SCAPER: variants seen among roughly 807,000 people sequenced by gnomAD.
The protein encoded by SCAPER is S-phase cyclin A associated protein in the ER.
SCAPER carries 98 observed loss-of-function variants against 182.2 expected under a neutral mutation model. That is an observed-to-expected ratio of 0.54 (90% CI 0.46 to 0.64). The LOEUF (loss-of-function observed/expected upper bound fraction) is 0.64. SCAPER is among the 30% of genes least tolerant of loss of function. SCAPER has a pLI of 0.00. For synonymous variants in SCAPER, 605 were observed against 564.6 expected, an observed-to-expected ratio of 1.07 and a Z score of -1.01; for missense variants, 1,432 against 1,690.0, an observed-to-expected ratio of 0.85 and a Z score of 2.68.
At chr15:76,891,201 A>G (rs529757325) in intron 1 of SCAPER, among the ~76,000 whole-genome samples, 159 of 152,212 alleles carry the variant, frequency 1.0e-3, no homozygotes, top group Non-Finnish European at 2.1e-3. Context: ...TGACAAACCC[A>G]TAGCCAAGAT....
chr15:76,617,704 T>C (rs562571843), intron 22 of SCAPER, among the ~76,000 whole-genome samples: 133 of 152,234 alleles, frequency 8.7e-4, no homozygotes, highest in Non-Finnish European at 1.4e-3. Context: ...ACAGAAACCA[T>C]AGACCCGTGA....
At chr15:76,618,161 G>A (rs1208520998) in intron 22 of SCAPER, among the ~76,000 whole-genome samples, 2 of 152,154 alleles carry the variant, frequency 1.3e-5, no homozygotes, top group Non-Finnish European at 2.9e-5. Context: ...TAGGGAGGCT[G>A]AGGCACGAGA....
chr15:76,888,853 G>A (rs987198244), intron 1 of SCAPER, among the ~76,000 whole-genome samples: 1 of 152,062 alleles, frequency 6.6e-6, no homozygotes, highest in South Asian at 2.1e-4. Context: ...CTCGAGAAGA[G>A]GAACCCCAAG....
chr15:76,679,497 AAAAT>A lies in SCAPER; in HGVS notation c.2509-13712_2509-13709del, dbSNP rs2057564003. Among the ~76,000 whole-genome samples the A allele has an allele frequency of 2.0e-5, 3 of 152,352 alleles. No individual in the cohort carries two copies. In the East Asian group the frequency reaches 5.8e-4, roughly 29 times the overall value. On this transcript the variant is annotated intron_variant, in intron 20 of 31. Coordinates refer to ENST00000563290, the MANE Select transcript of SCAPER (RefSeq NM_020843.4). ...ACATATATGGCAATGACAACTTCTG[AAAAT>A]AAATATGTCATTTTAATTATACAAA...
At chr15:76,901,464 T>A (rs991886782) in intron 1 of SCAPER, among the ~76,000 whole-genome samples, 6 of 152,198 alleles carry the variant, frequency 3.9e-5, no homozygotes, top group Admixed American at 3.9e-4. Context: ...ACAAATTAAA[T>A]ATGATGTCTG....
At chr15:76,513,217 A>G (rs756528564) in intron 23 of SCAPER, among the ~76,000 whole-genome samples, 12 of 152,224 alleles carry the variant, frequency 7.9e-5, no homozygotes, top group Non-Finnish European at 1.3e-4. Context: ...TAGTGATGGA[A>G]CAAAAGAATG....
At chr15:76,688,266 G>A (rs34060246) in intron 20 of SCAPER, among the ~76,000 whole-genome samples, 58,089 of 152,020 alleles carry the variant, frequency 0.38, 13,106 homozygotes, top group Middle Eastern at 0.52. Context: ...CATATCCTCC[G>A]CCCACTTTTT....
chr15:76,830,632 A>G (rs1373973922), intron 5 of SCAPER, among the ~76,000 whole-genome samples: 1 of 152,068 alleles, frequency 6.6e-6, no homozygotes, highest in African/African-American at 2.4e-5. Flanking sequence ...ACCTGGGGGT[A>G]AAAGTAGTAT....
intron 26 of SCAPER, among the ~76,000 whole-genome samples, chr15:76,431,636 A>G (rs1264259322): frequency 7.7e-6 from 1 of 130,490 alleles, no homozygotes; most frequent in Non-Finnish European, 1.6e-5. Flanking sequence ...TTGTCAGTTC[A>G]TATCTGGGAA....
intron 2 of SCAPER, among the ~76,000 whole-genome samples, chr15:76,875,920 TG>T (rs1192857848): frequency 1.3e-5 from 2 of 151,010 alleles, no homozygotes; most frequent in African/African-American, 2.5e-5. Flanking sequence ...GACCCCACGG[TG>T]GGGGGCGGGG....
At chr15:76,562,782 A>T (rs2046743937) in intron 23 of SCAPER, among the ~76,000 whole-genome samples, 2 of 152,220 alleles carry the variant, frequency 1.3e-5, no homozygotes, top group Non-Finnish European at 2.9e-5. Context: ...AAATTTTTGC[A>T]CAAATACCAG....
In SCAPER at chr15:76,682,576, C is replaced by A. The variant is rs73461332; in HGVS notation, c.2509-16787G>T. ...AACATGAGTATACCCCAAAACAGTG[C>A]GGCATTTGCTGACACATACAAGTGA... On this transcript the variant is annotated intron_variant, in intron 20 of 31. Transcript: ENST00000563290. Among the ~76,000 whole-genome samples the A allele has an allele frequency of 4.4e-3, 664 of 152,284 alleles. 7 individuals are homozygous for A. Among genetic ancestry groups the A allele is most frequent in the African/African-American group, 0.015 (629 of 41,566 alleles).
At chr15:76,788,772 GA>G (rs1363502374) in intron 8 of SCAPER, among the ~76,000 whole-genome samples, 1 of 152,122 alleles carries the variant, frequency 6.6e-6, no homozygotes, top group Non-Finnish European at 1.5e-5. Context: ...ACAATATAGA[GA>G]AAACAGTATA....
At chr15:76,899,054 G>A (rs1003538386) in intron 1 of SCAPER, among the ~76,000 whole-genome samples, 49 of 152,146 alleles carry the variant, frequency 3.2e-4, no homozygotes, top group African/African-American at 9.9e-4. Flanking sequence ...AATAATTTAC[G>A]TAATTTTCTT....
chr15:76,647,749 G>A (rs1567693030), intron 21 of SCAPER, among the ~76,000 whole-genome samples: 1 of 152,142 alleles, frequency 6.6e-6, no homozygotes, highest in Non-Finnish European at 1.5e-5. Flanking sequence ...AACAATTACT[G>A]GAGCTTTCAT....
chr15:76,444,816 T>C (rs190481559), intron 25 of SCAPER, among the ~76,000 whole-genome samples: 1 of 152,348 alleles, frequency 6.6e-6, no homozygotes, highest in Admixed American at 6.5e-5. Context: ...TGGTCTGTTT[T>C]CTCTGTTGTT....
At chr15:76,457,257 G>A (rs1317565595) in intron 25 of SCAPER, among the ~76,000 whole-genome samples, 2 of 152,058 alleles carry the variant, frequency 1.3e-5, no homozygotes, top group Non-Finnish European at 2.9e-5. Context: ...TAGAGAAGGG[G>A]TTTCACTGTG....
chr15:76,774,427 T>C (rs2063630437), intron 9 of SCAPER: 1 of 387,308 alleles, frequency 2.6e-6, no homozygotes, highest in South Asian at 1.9e-5. Flanking sequence ...AAAAAATTAT[T>C]GGGAAAACTA....
chr15:76,401,668 T>G (rs1302402518), intron 27 of SCAPER, among the ~76,000 whole-genome samples: 2 of 152,184 alleles, frequency 1.3e-5, no homozygotes, highest in Admixed American at 1.3e-4. Flanking sequence ...CTCTCCACAT[T>G]TACCCAATTG....
Sources: gnomAD v4.1 joint callset for allele counts (sites outside exome capture counted in the v4.1 genomes callset) on GRCh38, gnomAD v4.1.1 for gene constraint, MANE v1.5 for transcripts, NCBI Gene and HGNC (gene_info 2026-07-23, HGNC 2026-07-21) for gene names.